CCNH: variants seen among roughly 807,000 people sequenced by gnomAD.
The protein encoded by CCNH is cyclin-H.
In CCNH, 31 loss-of-function variants were observed where a neutral mutation model predicts 41.9. The ratio of observed to expected loss-of-function variants is 0.74; its 90% CI spans 0.56 to 1.00. The LOEUF is 1.00. Ranked by LOEUF, CCNH falls within the 50% of genes least tolerant of loss-of-function variation. The pLI, the probability that CCNH is intolerant of heterozygous loss-of-function variation, is 0.00. For missense variants in CCNH, 362 were observed against 388.4 expected (o/e 0.93, Z 0.57); for synonymous variants, 138 against 136.1 (o/e 1.01, Z -0.10).
At chr5:87,374,263 CA>C, downstream of CCNH, 1 of 1,602,216 alleles carries the variant, frequency 6.2e-7, no homozygotes, top group Non-Finnish European at 8.5e-7. Flanking sequence ...GTCCAAGTAG[CA>C]AAAACTCATG....
rs201797472 is a variant in CCNH, at chr5:87,404,807, G to C, written c.689+37C>G. The C allele has an allele frequency of 6.8e-6, 10 of 1,473,116 alleles. No homozygotes were observed. The Admixed American group carries it at 1.6e-4, about 24-fold the overall frequency. 91.3% of individuals were successfully genotyped at this position (1,473,116 alleles called of 1,614,324 possible). On this transcript the variant is annotated intron_variant, in intron 5 of 8. Transcript: ENST00000256897. Reference sequence around the variant, plus strand: ...GATTCTATGAATAAATAAACCCAGTGACTGAATTTGACCTAAGTTAAAAAA... The same window carrying C: ...GATTCTATGAATAAATAAACCCAGTCACTGAATTTGACCTAAGTTAAAAAA...
chr5:87,372,491 G>A (rs1761019652), downstream of CCNH, among the ~76,000 whole-genome samples: 4 of 152,016 alleles, frequency 2.6e-5, no homozygotes, highest in Admixed American at 1.3e-4. Context: ...ACTTATTTTG[G>A]CCTCTTTCAA....
At chr5:87,375,120 G>A (rs1204256968), downstream of CCNH, among the ~76,000 whole-genome samples, 1 of 152,168 alleles carries the variant, frequency 6.6e-6, no homozygotes, top group East Asian at 1.9e-4. Flanking sequence ...TGGTTCAACT[G>A]TACACACTGT....
At chr5:87,404,502 T>C (rs140862328) in intron 5 of CCNH, among the ~76,000 whole-genome samples, 215 of 152,302 alleles carry the variant, frequency 1.4e-3, no homozygotes, top group Middle Eastern at 0.014. Flanking sequence ...CCGCGTGTCA[T>C]ACATGCTCTA....
At chr5:87,340,996 C>T (rs1758395259) in intron 9 of CCNH, among the ~76,000 whole-genome samples, 1 of 151,438 alleles carries the variant, frequency 6.6e-6, no homozygotes, top group East Asian at 1.9e-4. Flanking sequence ...ATGTAGGGCA[C>T]AGCTGCTGTT....
chr5:87,337,998 T>C lies in CCNH; in HGVS notation c.*91-19101A>G, dbSNP rs1692799110. ...GTTTCTTAAAAGGAGATATGTTCAT[T>C]GTTCATAATGAATTAGAAGATGGAT... On this transcript the variant is annotated intron_variant and NMD_transcript_variant, in intron 9 of 9. Coordinates refer to the CCNH transcript ENST00000645953. 1 of 1,610,614 alleles carries C rather than the reference T, an allele frequency of 6.2e-7. No individual in the cohort carries two copies. The highest frequency in any genetic ancestry group is 1.3e-5 in the African/African-American group (1 of 74,976).
chr5:87,386,736 G>A (rs1449110481), downstream of CCNH: 22 of 1,108,442 alleles, frequency 2.0e-5, no homozygotes, highest in Non-Finnish European at 3.0e-5. Flanking sequence ...TGCAGTTTTT[G>A]CTGTTAACTG....
downstream of CCNH, chr5:87,372,175 T>G: frequency 6.2e-7 from 1 of 1,613,688 alleles, no homozygotes; most frequent in Non-Finnish European, 8.5e-7. Flanking sequence ...TCCAGGGACA[T>G]CCAATAAACG....
intron 9 of CCNH, among the ~76,000 whole-genome samples, chr5:87,337,237 C>G (rs745927893): frequency 1.2e-4 from 18 of 152,066 alleles, no homozygotes; most frequent in Non-Finnish European, 2.1e-4. Context: ...CTTGTTGTTT[C>G]CATAATTGTG....
downstream of CCNH, chr5:87,389,547 C>G: frequency 6.2e-7 from 1 of 1,612,700 alleles, no homozygotes; most frequent in South Asian, 1.1e-5. Flanking sequence ...CGCCAGCCTT[C>G]ATTAACAATG....
chr5:87,326,542 TAGAG>T (rs1757243399), intron 9 of CCNH, among the ~76,000 whole-genome samples: 1 of 152,140 alleles, frequency 6.6e-6, no homozygotes, highest in Admixed American at 6.5e-5. Context: ...CCATCTTCCT[TAGAG>T]AGGCAAAGAA....
At chr5:87,363,886 A>C (rs1215675739) in intron 9 of CCNH, among the ~76,000 whole-genome samples, 1 of 152,138 alleles carries the variant, frequency 6.6e-6, no homozygotes, top group Non-Finnish European at 1.5e-5. Flanking sequence ...GTTCTTAAGA[A>C]AGTTAATGTT....
chr5:87,377,228 A>C (rs904014938), upstream of CCNH: 15 of 714,960 alleles, frequency 2.1e-5, no homozygotes, highest in Non-Finnish European at 3.2e-5. Context: ...TGGGAAGCTG[A>C]TATTTCTAAT....
chr5:87,312,639 A>G, the CCNH span, among the ~76,000 whole-genome samples: 1 of 152,182 alleles, frequency 6.6e-6, no homozygotes, highest in African/African-American at 2.4e-5. Context: ...GAACAACTAA[A>G]CTAAGGGAAA....
At chr5:87,368,733 T>G (rs1211699245) in intron 9 of CCNH, among the ~76,000 whole-genome samples, 2 of 152,196 alleles carry the variant, frequency 1.3e-5, no homozygotes, top group Admixed American at 6.5e-5. Flanking sequence ...AGGAACTATT[T>G]TCTGCTTAGC....
intron 7 of CCNH, among the ~76,000 whole-genome samples, chr5:87,396,578 C>T (rs565005019): frequency 6.6e-6 from 1 of 152,170 alleles, no homozygotes; most frequent in African/African-American, 2.4e-5. Context: ...TGAGATCACG[C>T]CACTGCACTC....
chr5:87,379,925 A>G, upstream of CCNH: 5 of 1,431,044 alleles, frequency 3.5e-6, no homozygotes, highest in South Asian at 3.6e-5. Flanking sequence ...TAAAACGTGA[A>G]AGCTTTTCTG....
chr5:87,367,873 T>C (rs1321876585), intron 9 of CCNH, among the ~76,000 whole-genome samples: 1 of 152,176 alleles, frequency 6.6e-6, no homozygotes, highest in Non-Finnish European at 1.5e-5. Flanking sequence ...TATCTTTGTC[T>C]TTTCTCTTAG....
chr5:87,409,441 T>A, intron 2 of CCNH, 78 bp from the exon 3 acceptor site: 1 of 777,712 alleles, frequency 1.3e-6, no homozygotes, highest in Non-Finnish European at 2.1e-6. Context: ...AGAACTTATT[T>A]ATGGAAAGGT....
Sources: gnomAD v4.1 joint callset for allele counts (sites outside exome capture counted in the v4.1 genomes callset) on GRCh38, gnomAD v4.1.1 for gene constraint, MANE v1.5 for transcripts, NCBI Gene and HGNC (gene_info 2026-07-23, HGNC 2026-07-21) for gene names.